CLSTN2: variants seen among roughly 807,000 people sequenced by gnomAD.
CLSTN2 encodes the protein calsyntenin-2.
A neutral mutation model predicts 101.2 loss-of-function variants in CLSTN2; 48 were observed. The observed-to-expected ratio is 0.47, with a 90% CI of 0.38 to 0.60. CLSTN2 has a LOEUF of 0.60. CLSTN2 is among the 20% of genes least tolerant of loss of function. CLSTN2 has a pLI of 0.00. For missense variants in CLSTN2, 1,160 were observed against 1,238.2 expected (o/e 0.94, Z 0.95); for synonymous variants, 481 against 463.6 (o/e 1.04, Z -0.48).
chr3:140,147,221 A>C (rs1480808738), intron 1 of CLSTN2, among the ~76,000 whole-genome samples: 1 of 152,220 alleles, frequency 6.6e-6, no homozygotes, highest in Non-Finnish European at 1.5e-5. Flanking sequence ...CACCCTAGGA[A>C]ATCAGGAAGA....
intron 2 of CLSTN2, among the ~76,000 whole-genome samples, chr3:140,344,135 C>G (rs999793749): frequency 5.3e-5 from 8 of 152,148 alleles, no homozygotes; most frequent in African/African-American, 1.9e-4. Context: ...AACAAGCTAC[C>G]GCAGCGTTCA....
intron 2 of CLSTN2, among the ~76,000 whole-genome samples, chr3:140,252,643 A>C (rs1215608271): frequency 6.6e-6 from 1 of 152,202 alleles, no homozygotes; most frequent in Non-Finnish European, 1.5e-5. Context: ...GCATGTTGAC[A>C]AGCTCTCTGG....
At chr3:140,122,332 C>G (rs12107142) in intron 1 of CLSTN2, among the ~76,000 whole-genome samples, 18,328 of 152,160 alleles carry the variant, frequency 0.12, 1,624 homozygotes, top group African/African-American at 0.26. Flanking sequence ...TGGCTGGCCC[C>G]TCTTCAAAGC....
chr3:139,962,897 T>C (rs874151), intron 1 of CLSTN2, among the ~76,000 whole-genome samples: 19,874 of 152,220 alleles, frequency 0.13, 1,317 homozygotes, highest in East Asian at 0.19. Flanking sequence ...TAATTTCCCA[T>C]GGGTAAATAC....
chr3:140,545,819 C>G (rs967830378), intron 9 of CLSTN2, among the ~76,000 whole-genome samples: 7 of 152,276 alleles, frequency 4.6e-5, no homozygotes, highest in African/African-American at 1.7e-4. Context: ...TAAAAGAAAG[C>G]AGGCAATGAG....
chr3:140,566,573 C>T lies in CLSTN2; in HGVS notation c.*320C>T, dbSNP rs149854645. ...TTGTTTTTTCCTGCAGGGAAGAAGG[C>T]CCACCTTTGTGTCACTCACCTCCCC... On this transcript the variant is annotated 3_prime_UTR_variant, in exon 17 of 17. Coordinates refer to ENST00000458420, the MANE Select transcript of CLSTN2 (RefSeq NM_022131.3). The T allele has an allele frequency of 1.7e-3, 618 of 359,920 alleles. 4 individuals are homozygous for T. Among genetic ancestry groups the T allele is most frequent in the African/African-American group, 0.011 (525 of 48,696 alleles). The allele number at this position is 359,920 out of a possible 1,614,324, so 22.3% of individuals were successfully genotyped here.
At chr3:140,490,976 C>A (rs1559885191) in intron 8 of CLSTN2, among the ~76,000 whole-genome samples, 3 of 152,310 alleles carry the variant, frequency 2.0e-5, no homozygotes, top group Middle Eastern at 3.4e-3. Context: ...CAGAGAGAGG[C>A]AGAACATTGG....
At chr3:140,000,953 C>CT (rs1454696500) in intron 1 of CLSTN2, among the ~76,000 whole-genome samples, 1 of 152,160 alleles carries the variant, frequency 6.6e-6, no homozygotes, top group Non-Finnish European at 1.5e-5. Context: ...GATTCTGAGG[C>CT]TCGTAAAATG....
At chr3:140,268,753 T>C (rs1170427277) in intron 2 of CLSTN2, among the ~76,000 whole-genome samples, 1 of 152,188 alleles carries the variant, frequency 6.6e-6, no homozygotes, top group Admixed American at 6.5e-5. Context: ...GTACATGGTA[T>C]AGTTGGCAGT....
At chr3:140,023,591 A>C (rs1407741469) in intron 1 of CLSTN2, among the ~76,000 whole-genome samples, 2 of 151,580 alleles carry the variant, frequency 1.3e-5, no homozygotes, top group Non-Finnish European at 2.9e-5. Flanking sequence ...AAGAAAGCAG[A>C]CTCCATTTGA....
At chr3:140,059,616 C>A (rs1441693361) in intron 1 of CLSTN2, among the ~76,000 whole-genome samples, 1 of 152,074 alleles carries the variant, frequency 6.6e-6, no homozygotes, top group East Asian at 1.9e-4. Context: ...CTGAGGATGG[C>A]AGGGTGGATA....
chr3:140,411,911 A>G (rs948068379), intron 4 of CLSTN2, among the ~76,000 whole-genome samples: 3 of 152,268 alleles, frequency 2.0e-5, no homozygotes, highest in Admixed American at 6.5e-5. Context: ...CAGGCCACAC[A>G]GAGAACAGGA....
chr3:140,186,194 GAT>G (rs2010483216), intron 2 of CLSTN2, among the ~76,000 whole-genome samples: 1 of 152,118 alleles, frequency 6.6e-6, no homozygotes, highest in African/African-American at 2.4e-5. Flanking sequence ...CAAAATCAAT[GAT>G]ATTGAGAACC....
At chr3:140,283,150 A>T (rs2086864692) in intron 2 of CLSTN2, among the ~76,000 whole-genome samples, 1 of 152,156 alleles carries the variant, frequency 6.6e-6, no homozygotes, top group Admixed American at 6.5e-5. Flanking sequence ...AATACTTTAT[A>T]ATATACAAGG....
intron 2 of CLSTN2, among the ~76,000 whole-genome samples, chr3:140,301,038 G>A (rs1435750728): frequency 6.6e-6 from 1 of 152,102 alleles, no homozygotes; most frequent in Non-Finnish European, 1.5e-5. Flanking sequence ...GGAAGCAAAA[G>A]GGCAATTTCC....
chr3:140,018,233 T>C (rs925233609), intron 1 of CLSTN2, among the ~76,000 whole-genome samples: 2 of 152,266 alleles, frequency 1.3e-5, no homozygotes, highest in Non-Finnish European at 2.9e-5. Flanking sequence ...ATTACGCTTC[T>C]ATTCATATTT....
In CLSTN2 at chr3:140,207,192, G is replaced by C. The variant is rs188172247; in HGVS notation, c.232+31119G>C. On this transcript the variant is annotated intron_variant, in intron 2 of 16. Transcript: ENST00000458420. ...TTTTACCTAATAAGCTAACAACAAA[G>C]AGAAGTGCTTTGAGAGTAGGCCCAT... Among the ~76,000 whole-genome samples the C allele has an allele frequency of 3.3e-5, 5 of 152,290 alleles. No individual in the cohort carries two copies. In the East Asian group the frequency reaches 9.6e-4, roughly 29 times the overall value.
At chr3:139,941,928 A>G (rs1264634053) in intron 1 of CLSTN2, among the ~76,000 whole-genome samples, 3 of 152,162 alleles carry the variant, frequency 2.0e-5, no homozygotes, top group African/African-American at 4.8e-5. Flanking sequence ...AAGGAGGTAA[A>G]TCTACAATCT....
chr3:140,286,315 G>C (rs914052030), intron 2 of CLSTN2, among the ~76,000 whole-genome samples: 1 of 151,646 alleles, frequency 6.6e-6, no homozygotes, highest in Non-Finnish European at 1.5e-5. Flanking sequence ...GAGATCTGGG[G>C]AAACTCTTTG....
Sources: gnomAD v4.1 joint callset for allele counts (sites outside exome capture counted in the v4.1 genomes callset) on GRCh38, gnomAD v4.1.1 for gene constraint, MANE v1.5 for transcripts, NCBI Gene and HGNC (gene_info 2026-07-23, HGNC 2026-07-21) for gene names.